The following CARM1 variants were observed in gnomAD, a reference collection of about 807,000 sequenced individuals.
CARM1 encodes histone-arginine methyltransferase CARM1.
CARM1 carries 14 observed loss-of-function variants against 72.7 expected under a neutral mutation model. The ratio of observed to expected loss-of-function variants is 0.19; its 90% CI spans 0.13 to 0.30. CARM1 has a LOEUF of 0.30. Among genes scored for constraint, CARM1 ranks in the 10% least tolerant of loss-of-function variants. The pLI is 1.00. For missense variants in CARM1, 432 were observed against 833.7 expected, an observed-to-expected ratio of 0.52 and a Z score of 5.93; for synonymous variants, 333 against 345.5, an observed-to-expected ratio of 0.96 and a Z score of 0.40.
At chr19:10,890,639 A>AT (rs1278969088) in intron 1 of CARM1, among the ~76,000 whole-genome samples, 11 of 150,438 alleles carry the variant, frequency 7.3e-5, no homozygotes, top group African/African-American at 2.7e-4. Flanking sequence ...TTACATATAT[A>AT]TATGTATATG....
intron 1 of CARM1, among the ~76,000 whole-genome samples, chr19:10,890,791 ATATATTTTTT>A (rs2073981170): frequency 1.0e-5 from 1 of 99,632 alleles, no homozygotes; most frequent in Non-Finnish European, 1.9e-5. Context: ...ATATATATAT[ATATATTTTTT>A]TTTTTTTTTT....
rs1277192410 is a variant in CARM1, at chr19:10,920,738, C to T, written c.1414C>T (p.Pro472Ser). The change falls in exon 12 of 16, where the codon CCC (proline) becomes TCC (serine). Residue 472 changes from proline (P) to serine (S), a missense_variant. Pro to Ser is a moderately conservative substitution (Grantham distance 74, BLOSUM62 -1). Transcript: ENST00000327064. The surrounding 1 kb of genome is among the most constrained non-coding windows in gnomAD (Gnocchi z 5.3). ...KSSNLLDLKN[P>S]FFRYTGTTPS... ...CAGTAACCTCCTGGATCTGAAAAAC[C>T]CCTTCTTTAGGTAGGAGGGGCCCCT... 1 of 1,614,036 alleles carries T rather than the reference C, an allele frequency of 6.2e-7. No individual in the cohort carries two copies. Among genetic ancestry groups the T allele is most frequent in the Non-Finnish European group, 8.5e-7 (1 of 1,180,010 alleles).
intron 1 of CARM1, among the ~76,000 whole-genome samples, chr19:10,888,016 C>T (rs550431347): frequency 1.3e-5 from 2 of 152,362 alleles, no homozygotes; most frequent in African/African-American, 4.8e-5. Flanking sequence ...TGATCCCCCT[C>T]AGCAGCCTGG....
At chr19:10,908,166 G>C (rs770428434) in intron 3 of CARM1, 21 bp downstream of exon 3, 1 of 1,525,908 alleles carries the variant, frequency 6.6e-7, no homozygotes, top group Admixed American at 1.7e-5. Context: ...CTCCCCCTCA[G>C]CCAGGCCGCC....
At chr19:10,885,890 T>TTC (rs760591519) in intron 1 of CARM1, among the ~76,000 whole-genome samples, 19,557 of 106,980 alleles carry the variant, frequency 0.18, 3,753 homozygotes, top group Middle Eastern at 0.31. Flanking sequence ...ACTCCCTCAT[T>TTC]TTTTTTTTTT....
At position 10,890,353 on chromosome 19, in the gene CARM1, C is replaced by T. The variant is rs146888416; in HGVS notation, c.221-14598C>T. On this transcript the variant is annotated intron_variant, in intron 1 of 15. Coordinates refer to ENST00000327064, the MANE Select transcript of CARM1 (RefSeq NM_199141.2). ...CGCGATCTTGGCTCACTGCAACCTC[C>T]GCCTCCCGGGTTCAAGTGATTCTCC... Among the ~76,000 whole-genome samples the T allele has an allele frequency of 4.9e-3, 743 of 151,100 alleles. 49 individuals are homozygous for T. In the East Asian group the frequency reaches 0.13, roughly 27 times the overall value.
At position 10,921,920 on chromosome 19, in the gene CARM1, TCCCCACCCTAAC is replaced by T; in HGVS notation, c.*171_*182del. On this transcript the variant is annotated 3_prime_UTR_variant, in exon 16 of 16. Transcript: ENST00000327064. ...ACTTTTTTACACGATGTTGCCGCCG[TCCCCACCCTAAC>T]CCCCACCTCCCGGCCCTGAGCGTGT... 1.5e-6 allele frequency: 1 copy of T among 656,364 alleles called. No individual in the cohort carries two copies. The highest frequency in any genetic ancestry group is 3.0e-5 in the East Asian group (1 of 33,288). 40.7% of individuals were successfully genotyped at this position (656,364 alleles called of 1,614,324 possible).
At position 10,912,115 on chromosome 19, in the gene CARM1, A is replaced by G; in HGVS notation, c.559-69A>G. The G allele has an allele frequency of 9.2e-7, 1 of 1,090,238 alleles. No homozygotes were observed. The highest frequency in any genetic ancestry group is 2.0e-4 in the Middle Eastern group (1 of 5,092). The allele number at this position is 1,090,238 out of a possible 1,614,324, so 67.5% of individuals were successfully genotyped here. ...ACGCCTCATGATGTGCACATCCCTT[A>G]TGATCACTGTCACCTCCCCATCACC... On this transcript the variant is annotated intron_variant, in intron 4 of 15. Transcript: ENST00000327064. This position sits in a 1 kb window ranked among gnomAD's most constrained non-coding sequence, Gnocchi z 4.5.
Position 10,921,683 on chromosome 19 carries a change from A to G in CARM1, c.1753A>G (p.Thr585Ala), listed in dbSNP as rs975898521. 16 of 1,613,408 alleles carry G rather than the reference A, an allele frequency of 9.9e-6. No homozygotes were observed. Among genetic ancestry groups the G allele is most frequent in the Non-Finnish European group, 1.4e-5 (16 of 1,179,856 alleles). Residue 585 changes from threonine to alanine, a missense_variant, in exon 16 of 16, where the codon ACC (threonine) becomes GCC (alanine). Thr to Ala is a moderately conservative substitution (Grantham distance 58, BLOSUM62 0). Coordinates refer to ENST00000327064, the MANE Select transcript of CARM1 (RefSeq NM_199141.2). The stretch of plus-strand genomic sequence containing the variant: ...CCACTATGCAGTCAACAGCCAGTTC[A>G]CCATGGGCGGCCCCGCCATCTCCAT... ...SAHYAVNSQF[T>A]MGGPAISMAS...
intron 1 of CARM1, among the ~76,000 whole-genome samples, chr19:10,897,600 G>A (rs555595603): frequency 1.5e-4 from 23 of 152,224 alleles, no homozygotes; most frequent in African/African-American, 5.1e-4. Context: ...TGGCCAAAGC[G>A]TAACACTCAG....
At position 10,920,257 on chromosome 19, in the gene CARM1, A is replaced by T. The variant is rs764423866; in HGVS notation, c.1197-179A>T. 1.3e-5 allele frequency among the ~76,000 whole-genome samples: 2 copies of T among 151,788 alleles called. No homozygotes were observed. The highest frequency in any genetic ancestry group is 4.8e-5 in the African/African-American group (2 of 41,274). On this transcript the variant is annotated intron_variant, in intron 10 of 15. Coordinates refer to ENST00000327064, the MANE Select transcript of CARM1 (RefSeq NM_199141.2). This position sits in a 1 kb window ranked among gnomAD's most constrained non-coding sequence, Gnocchi z 5.3. ...GTGGTTGCGGGCCCCTCGTGTGTAC[A>T]TGTATGCCTGCTCATGTTTGTGTCT...
Position 10,912,335 on chromosome 19 carries a change from C to T in CARM1, c.669+41C>T, listed in dbSNP as rs1358551352. ...GTGCCCACCCAGCCTCGTCCTCGCC[C>T]ATGAGTGCCATGCCGGCCCCAGCCT... On this transcript the variant is annotated intron_variant, in intron 5 of 15. Transcript: ENST00000327064. The surrounding 1 kb of genome is among the most constrained non-coding windows in gnomAD (Gnocchi z 4.5). 5 of 1,430,092 alleles carry T rather than the reference C, an allele frequency of 3.5e-6. No individual in the cohort carries two copies. Among genetic ancestry groups the T allele is most frequent in the Non-Finnish European group, 4.9e-6 (5 of 1,015,098 alleles). The allele number at this position is 1,430,092 out of a possible 1,614,324, so 88.6% of individuals were successfully genotyped here.
At chr19:10,882,948 G>A (rs1317384442) in intron 1 of CARM1, among the ~76,000 whole-genome samples, 1 of 152,120 alleles carries the variant, frequency 6.6e-6, no homozygotes, top group Non-Finnish European at 1.5e-5. Flanking sequence ...GGAGAGGTAG[G>A]GGAGAGGCTG....
At chr19:10,914,162 T>C in intron 6 of CARM1, 108 bp downstream of exon 6, 1 of 1,152,308 alleles carries the variant, frequency 8.7e-7, no homozygotes, top group Non-Finnish European at 1.2e-6. Flanking sequence ...TGGCCCGGGG[T>C]GTAGGGAAGC....
chr19:10,880,401 A>G (rs1750824092), intron 1 of CARM1, among the ~76,000 whole-genome samples: 1 of 151,854 alleles, frequency 6.6e-6, no homozygotes, highest in Non-Finnish European at 1.5e-5. Flanking sequence ...GCTGGAGTGC[A>G]GTGACACGAT....
At chr19:10,914,172 C>A in intron 6 of CARM1, 118 bp downstream of exon 6, 1 of 1,074,356 alleles carries the variant, frequency 9.3e-7, no homozygotes, top group Non-Finnish European at 1.3e-6. Context: ...TGTAGGGAAG[C>A]CTGGGCTTTT....
chr19:10,903,395 T>C (rs1318001828), intron 1 of CARM1, among the ~76,000 whole-genome samples: 1 of 152,220 alleles, frequency 6.6e-6, no homozygotes, highest in Admixed American at 6.5e-5. Context: ...GTTGTTATGA[T>C]GGGCTATTCA....
chr19:10,899,288 G>C (rs2074046929), intron 1 of CARM1, among the ~76,000 whole-genome samples: 1 of 152,218 alleles, frequency 6.6e-6, no homozygotes, highest in African/African-American at 2.4e-5. Flanking sequence ...CGCCAGGTCA[G>C]AGAGGGACGC....
intron 1 of CARM1, among the ~76,000 whole-genome samples, chr19:10,872,866 GAACCCCT>G (rs911827399): frequency 7.9e-5 from 12 of 152,078 alleles, no homozygotes; most frequent in Admixed American, 2.0e-4. Flanking sequence ...ATGCCCTGGG[GAACCCCT>G]CAGGAGGCCT....
Sources: gnomAD v4.1 joint callset for allele counts (sites outside exome capture counted in the v4.1 genomes callset) on GRCh38, gnomAD v4.1.1 for gene constraint, Gnocchi (gnomAD v3.1) non-coding constraint, MANE v1.5 for transcripts, NCBI Gene and HGNC (gene_info 2026-07-23, HGNC 2026-07-21) for gene names.